The following PNPLA4 variants were observed in gnomAD, a reference collection of about 807,000 sequenced individuals.
PNPLA4 encodes the protein patatin like domain 4, phospholipase and triacylglycerol lipase, also known as patatin-like phospholipase domain-containing protein 4.
A neutral mutation model predicts 18.3 loss-of-function variants in PNPLA4; 15 were observed. That is an observed-to-expected ratio of 0.82 (90% CI 0.55 to 1.26). PNPLA4 has a LOEUF of 1.26. Among genes scored for constraint, PNPLA4 ranks in the 50% most tolerant of loss-of-function variants. PNPLA4 has a pLI of 0.00. For synonymous variants in PNPLA4, 88 were observed against 85.6 expected, an observed-to-expected ratio of 1.03 and a Z score of -0.16; for missense variants, 229 against 196.8, an observed-to-expected ratio of 1.16 and a Z score of -0.98.
At chrX:7,901,281 T>C (rs1474837683) in intron 6 of PNPLA4, among the ~76,000 whole-genome samples, 1 of 112,257 alleles carries the variant, frequency 8.9e-6, no homozygotes, top group Admixed American at 9.4e-5. Context: ...AATAAATGAT[T>C]TTATTTAAAA....
chrX:7,922,911 G>A (rs1271743865), intron 2 of PNPLA4, among the ~76,000 whole-genome samples: 8 of 112,166 alleles, frequency 7.1e-5, no homozygotes, highest in Admixed American at 3.8e-4. Flanking sequence ...AGTCATAAGT[G>A]CCTCCAAGAG....
At chrX:7,904,600 C>T (rs1923650707) in intron 5 of PNPLA4, among the ~76,000 whole-genome samples, 1 of 112,299 alleles carries the variant, frequency 8.9e-6, no homozygotes, top group Non-Finnish European at 1.9e-5. Context: ...TTTCTGGAAA[C>T]AACCGTCACA....
At chrX:7,912,307 C>T (rs1923902698) in intron 4 of PNPLA4, among the ~76,000 whole-genome samples, 1 of 112,406 alleles carries the variant, frequency 8.9e-6, no homozygotes, top group African/African-American at 3.2e-5. Context: ...CAATCAACTT[C>T]ACCTAGGTAA....
chrX:7,918,968 ATCCT>A (rs1295715593), intron 4 of PNPLA4, among the ~76,000 whole-genome samples: 1 of 112,268 alleles, frequency 8.9e-6, no homozygotes, highest in African/African-American at 3.2e-5. Flanking sequence ...GGAACTATTC[ATCCT>A]TCCTTTTTAG....
upstream of PNPLA4, chrX:7,927,461 T>A (rs1218853620): frequency 8.8e-6 from 1 of 113,627 alleles, no homozygotes; most frequent in African/African-American, 3.2e-5. Context: ...TGTGACGTCA[T>A]CGCGCCGACG....
chrX:7,915,049 T>C (rs751502095), intron 4 of PNPLA4, among the ~76,000 whole-genome samples: 101 of 111,940 alleles, frequency 9.0e-4, no homozygotes, highest in Non-Finnish European at 1.0e-3. Context: ...TTTTCTTATT[T>C]GTAGTCAGCT....
chrX:7,915,462 G>A (rs748783225), intron 4 of PNPLA4, among the ~76,000 whole-genome samples: 3 of 111,384 alleles, frequency 2.7e-5, no homozygotes, highest in Admixed American at 9.6e-5. Context: ...GGTTGAGAAC[G>A]CTGATGTGGA....
In PNPLA4 at chrX:7,912,049, C is replaced by A; in HGVS notation, c.456G>T (p.Lys152Asn). The A allele has an allele frequency of 8.3e-7, 1 of 1,204,947 alleles. No homozygotes were observed. The highest frequency in any genetic ancestry group is 1.1e-6 in the Non-Finnish European group (1 of 890,056). The change falls in exon 5 of 7, where the codon AAG (lysine) becomes AAT (asparagine). Residue 152 changes from lysine (K) to asparagine (N), a missense_variant. Transcript: ENST00000381042. ...TTACCTGCCCTTTGTATTCCACTAG[C>A]TTCAGTCCTGCATAAATGGGCACAA... ...SSFVPIYAGL[K>N]LVEYKGQKWV...
At chrX:7,903,176 G>A (rs1262985210) in intron 5 of PNPLA4, among the ~76,000 whole-genome samples, 1 of 112,144 alleles carries the variant, frequency 8.9e-6, no homozygotes, top group Non-Finnish European at 1.9e-5. Flanking sequence ...CATAAAGGTG[G>A]CAAGAGGAGG....
chrX:7,898,941 T>C lies in PNPLA4; in HGVS notation c.*1745A>G, dbSNP rs140183069. On this transcript the variant is annotated 3_prime_UTR_variant, in exon 7 of 7. Coordinates refer to ENST00000381042, the MANE Select transcript of PNPLA4 (RefSeq NM_004650.3). ...ATTGAAATACAGTGTATCATACAAA[T>C]AGAATATTCACATGAAATGATCAAA... 342 of 111,885 alleles carry C rather than the reference T, an allele frequency of 3.1e-3. 1 individual carries two copies. Among genetic ancestry groups the C allele is most frequent in the African/African-American group, 0.011 (326 of 30,840 alleles). 9.2% of individuals were successfully genotyped at this position (111,885 alleles called of 1,213,427 possible).
intron 5 of PNPLA4, among the ~76,000 whole-genome samples, chrX:7,909,835 A>G (rs1923820118): frequency 9.0e-6 from 1 of 111,465 alleles, no homozygotes; most frequent in Non-Finnish European, 1.9e-5. Flanking sequence ...TTGCCCAACA[A>G]TGAAATAAAT....
chrX:7,921,565 A>C (rs1924216846), intron 4 of PNPLA4, 148 bp downstream of exon 4: 7 of 531,835 alleles, frequency 1.3e-5, no homozygotes, highest in Non-Finnish European at 2.2e-5. Context: ...TACTTTCATC[A>C]AACAAGTAAT....
intron 5 of PNPLA4, among the ~76,000 whole-genome samples, chrX:7,903,336 G>C (rs1445414672): frequency 9.2e-6 from 1 of 108,884 alleles, no homozygotes; most frequent in East Asian, 2.9e-4. Flanking sequence ...GTCTCGCTCT[G>C]TCGCCCAGGC....
chrX:7,926,382 A>C (rs746233779), intron 1 of PNPLA4, among the ~76,000 whole-genome samples: 5 of 112,641 alleles, frequency 4.4e-5, no homozygotes, highest in African/African-American at 1.6e-4. Flanking sequence ...TATTCGGTAC[A>C]TAGATTATGA....
intron 5 of PNPLA4, among the ~76,000 whole-genome samples, chrX:7,904,320 C>T (rs1397413586): frequency 1.8e-5 from 2 of 112,197 alleles, no homozygotes; most frequent in African/African-American, 6.5e-5. Flanking sequence ...TTAATGACTG[C>T]TGTTTTAGGG....
intron 5 of PNPLA4, among the ~76,000 whole-genome samples, chrX:7,907,273 C>G (rs1403927955): frequency 8.9e-6 from 1 of 112,096 alleles, no homozygotes; most frequent in Non-Finnish European, 1.9e-5. Context: ...CCCGCCTCAG[C>G]CTCCCAAAGT....
At chrX:7,908,990 C>T (rs958116520) in intron 5 of PNPLA4, among the ~76,000 whole-genome samples, 1 of 112,040 alleles carries the variant, frequency 8.9e-6, no homozygotes, top group Non-Finnish European at 1.9e-5. Context: ...TTAAACATTG[C>T]TAGTCTTCCT....
intron 2 of PNPLA4, among the ~76,000 whole-genome samples, chrX:7,923,362 G>A (rs1425968037): frequency 8.9e-6 from 1 of 111,843 alleles, no homozygotes; most frequent in African/African-American, 3.3e-5. Context: ...CAGGAGCCAA[G>A]GAGTCTGGGC....
intron 1 of PNPLA4, among the ~76,000 whole-genome samples, chrX:7,926,425 C>T (rs1482241346): frequency 1.8e-5 from 2 of 112,362 alleles, no homozygotes; most frequent in African/African-American, 6.5e-5. Flanking sequence ...AGGAAACAGA[C>T]GTATAAATTC....
Sources: gnomAD v4.1 joint callset for allele counts (sites outside exome capture counted in the v4.1 genomes callset) on GRCh38, gnomAD v4.1.1 for gene constraint, MANE v1.5 for transcripts, NCBI Gene and HGNC (gene_info 2026-07-23, HGNC 2026-07-21) for gene names.